Variants in TMPRSS12 observed in about 807,000 individuals in gnomAD.
TMPRSS12 encodes transmembrane serine protease 12.
A neutral mutation model predicts 26.0 loss-of-function variants in TMPRSS12; 25 were observed. The observed-to-expected ratio is 0.96, with a 90% CI of 0.70 to 1.34. The LOEUF (loss-of-function observed/expected upper bound fraction) is 1.34. TMPRSS12 is among the 40% of genes most tolerant of loss of function. The pLI, the probability that TMPRSS12 is intolerant of heterozygous loss-of-function variation, is 0.00. For synonymous variants in TMPRSS12, 150 were observed against 161.7 expected, an observed-to-expected ratio of 0.93 and a Z score of 0.55; for missense variants, 441 against 440.1, an observed-to-expected ratio of 1.00 and a Z score of -0.02.
Position 50,843,106 on chromosome 12 carries a change from C to G in TMPRSS12, c.142C>G (p.Arg48Gly). The G allele has an allele frequency of 6.3e-7, 1 of 1,579,570 alleles. No homozygotes were observed. The highest frequency in any genetic ancestry group is 1.2e-5 in the South Asian group (1 of 86,450). The change falls in exon 1 of 5, where the codon CGC becomes GGC. Residue 48 changes from arginine to glycine, a missense_variant. Arg to Gly is a moderately radical substitution (Grantham distance 125). Coordinates refer to ENST00000398458, the MANE Select transcript of TMPRSS12 (RefSeq NM_182559.3). Reference protein sequence around the residue: ...AASSQQAEAVRKRLRRRREGG... With the variant: ...AASSQQAEAVGKRLRRRREGG... ...TAGTTCCCAGCAGGCTGAGGCCGTCCGCAAGAGGCTCCGGCGGCGGAGGGA... is the reference window on the plus strand; with the variant it reads ...TAGTTCCCAGCAGGCTGAGGCCGTCGGCAAGAGGCTCCGGCGGCGGAGGGA...
chr12:50,851,369 G>C (rs998872573), intron 2 of TMPRSS12, among the ~76,000 whole-genome samples: 1 of 152,074 alleles, frequency 6.6e-6, no homozygotes, highest in African/African-American at 2.4e-5. Context: ...GAACCAAACT[G>C]ATCTATAGAG....
chr12:50,874,132 A>G (rs953290338), intron 3 of TMPRSS12, among the ~76,000 whole-genome samples: 2 of 152,174 alleles, frequency 1.3e-5, no homozygotes, highest in Non-Finnish European at 2.9e-5. Flanking sequence ...TTCACTTCAC[A>G]GGTGAATTAC....
rs1361700845 is a variant in TMPRSS12, at chr12:50,842,986, G to A, written c.22G>A (p.Val8Met). The A allele has an allele frequency of 6.3e-7, 1 of 1,596,402 alleles. No individual in the cohort carries two copies. Among genetic ancestry groups the A allele is most frequent in the African/African-American group, 1.3e-5 (1 of 74,472 alleles). MRLGLLS[V>M]ALLFVGSSHL... ...CAAAATGCGGCTGGGGCTCCTGAGC[G>A]TGGCGCTGTTGTTTGTGGGGAGCTC... The change falls in exon 1 of 5, where the codon GTG becomes ATG. Residue 8 changes from valine (V) to methionine (M), a missense_variant. Val to Met is a conservative substitution (Grantham distance 21, BLOSUM62 1). Coordinates refer to ENST00000398458, the MANE Select transcript of TMPRSS12 (RefSeq NM_182559.3).
At chr12:50,864,327 C>T (rs578023202) in intron 3 of TMPRSS12, among the ~76,000 whole-genome samples, 1 of 151,884 alleles carries the variant, frequency 6.6e-6, no homozygotes, top group Non-Finnish European at 1.5e-5. Context: ...GCAGTGAAAT[C>T]GAATGGATTA....
intron 3 of TMPRSS12, among the ~76,000 whole-genome samples, chr12:50,877,703 C>A (rs1455495577): frequency 2.6e-5 from 4 of 152,180 alleles, no homozygotes; most frequent in Non-Finnish European, 5.9e-5. Flanking sequence ...CAGGTTCAAG[C>A]GATTCTCATG....
intron 3 of TMPRSS12, 46 bp from the exon 4 acceptor site, chr12:50,885,199 TA>T: frequency 6.6e-7 from 1 of 1,523,852 alleles, no homozygotes. Context: ...TAAATCACTG[TA>T]AAAATGTCTG....
chr12:50,873,879 A>G (rs1161363797), intron 3 of TMPRSS12, among the ~76,000 whole-genome samples: 1 of 152,172 alleles, frequency 6.6e-6, no homozygotes, highest in Non-Finnish European at 1.5e-5. Flanking sequence ...GTATTTCAGG[A>G]GGGGTGATCA....
chr12:50,843,923 C>A lies in TMPRSS12; in HGVS notation c.269C>A (p.Pro90Gln). The A allele has an allele frequency of 6.3e-7, 1 of 1,587,802 alleles. No homozygotes were observed. Among genetic ancestry groups the A allele is most frequent in the Non-Finnish European group, 8.6e-7 (1 of 1,166,822 alleles). The change falls in exon 2 of 5, where the codon CCG (proline) becomes CAG (glutamine). Residue 90 changes from proline (P) to glutamine (Q), a missense_variant. Pro to Gln is a moderately conservative substitution (Grantham distance 76). Coordinates refer to ENST00000398458, the MANE Select transcript of TMPRSS12 (RefSeq NM_182559.3). Reference protein sequence around the residue: ...GGTEAQAGAWPWVVSLQIKYG... With the variant: ...GGTEAQAGAWQWVVSLQIKYG... ...ACCGAAGCACAAGCTGGCGCATGGC[C>A]GTGGGTGGTGAGCCTGCAGATTAAA...
rs113962728 is a variant in TMPRSS12, at chr12:50,844,881, T to A, written c.383+844T>A. Among the ~76,000 whole-genome samples the A allele has an allele frequency of 1.9e-4, 29 of 152,328 alleles. 2 individuals are homozygous for A. The highest frequency in any genetic ancestry group is 7.0e-4 in the African/African-American group (29 of 41,576). Reference sequence around the variant, plus strand: ...TTAACGTGTCATGAAATATTGTGGTTGATTCAGCCATTTAAAAATGTAGAG... The same window carrying A: ...TTAACGTGTCATGAAATATTGTGGTAGATTCAGCCATTTAAAAATGTAGAG... On this transcript the variant is annotated intron_variant, in intron 2 of 4. Coordinates refer to ENST00000398458, the MANE Select transcript of TMPRSS12 (RefSeq NM_182559.3).
intron 2 of TMPRSS12, among the ~76,000 whole-genome samples, chr12:50,850,895 C>T (rs1245547132): frequency 6.6e-6 from 1 of 152,200 alleles, no homozygotes; most frequent in African/African-American, 2.4e-5. Context: ...AGCCATGAGC[C>T]TGTCCCAGTC....
chr12:50,863,092 G>A (rs942991793), intron 3 of TMPRSS12, among the ~76,000 whole-genome samples: 6 of 151,894 alleles, frequency 4.0e-5, no homozygotes, highest in African/African-American at 1.5e-4. Context: ...GATCACTTGA[G>A]CCCAGGAGTT....
chr12:50,845,640 T>TC (rs146028094), intron 2 of TMPRSS12, among the ~76,000 whole-genome samples: 1,920 of 152,296 alleles, frequency 0.013, 42 homozygotes, highest in African/African-American at 0.043. Flanking sequence ...TTATCTAATT[T>TC]CTCCCACTTC....
rs1565929378 is a variant in TMPRSS12 at position 50,843,980 on chromosome 12, GA to G, written c.328del (p.Thr110ProfsTer2). On this transcript the variant is annotated frameshift_variant, in exon 2 of 5. Coordinates refer to ENST00000398458, the MANE Select transcript of TMPRSS12 (RefSeq NM_182559.3). LOFTEE classifies it high-confidence loss of function. ...YGRVLVHVCG[G>X]TLVRERWVLT... The stretch of plus-strand genomic sequence containing the variant: ...CGTGTTCTTGTTCATGTATGTGGGG[GA>G]ACCCTAGTGAGAGAGAGGTGGGTCC... 1 of 1,606,842 alleles carries G rather than the reference GA, an allele frequency of 6.2e-7. No individual in the cohort carries two copies. The highest frequency in any genetic ancestry group is 1.7e-5 in the Admixed American group (1 of 58,876).
At chr12:50,857,803 G>GTCA (rs1482883793) in intron 2 of TMPRSS12, among the ~76,000 whole-genome samples, 1 of 146,272 alleles carries the variant, frequency 6.8e-6, no homozygotes, top group African/African-American at 2.7e-5. Flanking sequence ...TGTTGTTGTT[G>GTCA]TTGTCGTTGT....
intron 2 of TMPRSS12, among the ~76,000 whole-genome samples, chr12:50,855,557 C>CA (rs1937868519): frequency 6.6e-6 from 1 of 152,134 alleles, no homozygotes; most frequent in Admixed American, 6.5e-5. Flanking sequence ...AAAAAAATAA[C>CA]AGATTCTAGC....
rs371449920 is a variant in TMPRSS12 at position 50,872,813 on chromosome 12, TG to T, written c.653-12432del. ...TATGACGTATATATGTACATATATA[TG>T]ACGTATATATGTACATATATATGAC... is the stretch of plus-strand genomic sequence containing the variant. On this transcript the variant is annotated intron_variant, in intron 3 of 4. Transcript: ENST00000398458. Among the ~76,000 whole-genome samples the T allele has an allele frequency of 1.4e-4, 8 of 58,982 alleles. 2 individuals carry two copies. Among genetic ancestry groups the T allele is most frequent in the South Asian group, 6.3e-4 (1 of 1,588 alleles). 38.7% of individuals were successfully genotyped at this position (58,982 alleles called of 152,430 possible).
chr12:50,882,286 TAAAAAAAAAAAAAAAAAAA>T (rs59323134), intron 3 of TMPRSS12, among the ~76,000 whole-genome samples: 1 of 58,506 alleles, frequency 1.7e-5, no homozygotes, highest in African/African-American at 7.2e-5. Flanking sequence ...CCCATCTCTC[TAAAAAAAAAAAAAAAAAAA>T]AAAAAAAAGA....
chr12:50,886,539 C>A (rs1421087038), intron 4 of TMPRSS12: 3 of 152,106 alleles, frequency 2.0e-5, no homozygotes, highest in African/African-American at 7.2e-5. Context: ...AATTGCATTC[C>A]TAGGCCAAAC....
At chr12:50,883,437 G>A (rs770455327) in intron 3 of TMPRSS12, among the ~76,000 whole-genome samples, 7 of 152,134 alleles carry the variant, frequency 4.6e-5, no homozygotes, top group Admixed American at 6.5e-5. Context: ...CCTGTAATTC[G>A]AACACTTTGA....
Sources: allele counts gnomAD v4.1 joint callset (sites outside exome capture counted in the v4.1 genomes callset), GRCh38; gene constraint gnomAD v4.1.1; transcripts MANE v1.5; gene names NCBI Gene and HGNC (gene_info 2026-07-23, HGNC 2026-07-21).